Variants in ZNF236 observed in about 807,000 individuals in gnomAD.
ZNF236 encodes regulated by glucose.
A neutral mutation model predicts 191.2 loss-of-function variants in ZNF236; 50 were observed. That is an observed-to-expected ratio of 0.26 (90% confidence interval 0.21 to 0.33). The LOEUF is 0.33. Among genes scored for constraint, ZNF236 ranks in the 10% least tolerant of loss-of-function variants. The pLI, the probability that ZNF236 is intolerant of heterozygous loss-of-function variation, is 1.00. For synonymous variants in ZNF236, 907 were observed against 928.8 expected (o/e 0.98, Z 0.43); for missense variants, 1,754 against 2,374.5 (o/e 0.74, Z 5.43).
intron 30 of ZNF236, among the ~76,000 whole-genome samples, chr18:76,963,952 A>T (rs922174379): frequency 3.3e-5 from 5 of 151,618 alleles, no homozygotes; most frequent in Non-Finnish European, 1.5e-5. Flanking sequence ...GCTTATTTGG[A>T]TTTCCTCTCT....
rs750299361 is a variant in ZNF236, at chr18:76,927,785, T to C, written c.4415-142T>C. 14 of 828,348 alleles carry C rather than the reference T, an allele frequency of 1.7e-5. No homozygotes were observed. The highest frequency in any genetic ancestry group is 2.5e-5 in the Non-Finnish European group (14 of 552,806). 51.3% of individuals were successfully genotyped at this position (828,348 alleles called of 1,614,324 possible). A position where few individuals can be genotyped will look rare whatever the true frequency, so the allele number is the denominator to read the frequency against. ...AGGCTTTCTTCTTAGACGAAGGAAT[T>C]AGAGATGACTGATGCTTTGTTTTAA... On this transcript the variant is annotated intron_variant, in intron 24 of 30. Transcript: ENST00000320610. This position sits in a 1 kb window ranked among gnomAD's most constrained non-coding sequence, Gnocchi z 5.4.
At chr18:76,936,533 T>G (rs1213642907) in intron 25 of ZNF236, among the ~76,000 whole-genome samples, 1 of 152,180 alleles carries the variant, frequency 6.6e-6, no homozygotes, top group Non-Finnish European at 1.5e-5. Context: ...CTGAAGAAAA[T>G]TAAGATGTCA....
chr18:76,959,985 C>T (rs1238605506), intron 29 of ZNF236, among the ~76,000 whole-genome samples, 169 bp downstream of exon 29: 1 of 152,148 alleles, frequency 6.6e-6, no homozygotes, highest in African/African-American at 2.4e-5. Context: ...ATTGTCATAA[C>T]TAACTTTTCA....
intron 26 of ZNF236, among the ~76,000 whole-genome samples, chr18:76,943,268 A>G (rs539954342): frequency 1.6e-4 from 25 of 152,302 alleles, no homozygotes; most frequent in African/African-American, 5.8e-4. Context: ...GTAAGTGATA[A>G]TTTTAATTCA....
chr18:76,912,607 A>G (rs1340882455), intron 17 of ZNF236, among the ~76,000 whole-genome samples: 1 of 152,240 alleles, frequency 6.6e-6, no homozygotes. Context: ...ACTCTGCTGC[A>G]GCTTCCCGTC....
Position 76,927,343 on chromosome 18 carries a change from G to A in ZNF236, c.4240G>A (p.Glu1414Lys). 1.2e-6 allele frequency: 2 copies of A among 1,614,208 alleles called. No homozygotes were observed. The highest frequency in any genetic ancestry group is 1.7e-6 in the Non-Finnish European group (2 of 1,180,038). ...GNLLAQQLTG[E>K]PGLAPQNSSL... ...CCTATTGGCTCAGCAGCTCACGGGG[G>A]AGCCTGGCCTGGCCCCACAGAACAG... The change falls in exon 24 of 31, where the codon GAG (glutamate) becomes AAG (lysine). Residue 1414 changes from glutamate to lysine, a missense_variant. Around this residue, in one of 5 missense-constraint regions of ZNF236, gnomAD observed 606 missense variants for 761.5 expected, o/e 0.80. Transcript: ENST00000320610. This position sits in a 1 kb window ranked among gnomAD's most constrained non-coding sequence, Gnocchi z 5.4.
chr18:76,920,091 T>C, intron 20 of ZNF236, 33 bp downstream of exon 20: 2 of 1,588,730 alleles, frequency 1.3e-6, no homozygotes, highest in East Asian at 2.3e-5. Flanking sequence ...CGGGTTCCGC[T>C]CTGAAGACTG....
At chr18:76,913,646 T>G in intron 17 of ZNF236, 101 bp from the exon 18 acceptor site, 1 of 1,257,048 alleles carries the variant, frequency 8.0e-7, no homozygotes. Flanking sequence ...TGTTTCATGG[T>G]TGTTGGTGAA....
chr18:76,899,294 C>T (rs1233271293), intron 11 of ZNF236, 72 bp downstream of exon 11: 9 of 1,320,038 alleles, frequency 6.8e-6, no homozygotes, highest in Non-Finnish European at 9.6e-6. Context: ...GAATTGTGTA[C>T]ACACATTATG....
chr18:76,967,358 T>G (rs1246663), intron 30 of ZNF236, among the ~76,000 whole-genome samples: 13 of 126,702 alleles, frequency 1.0e-4, no homozygotes, highest in East Asian at 2.8e-4. Flanking sequence ...TTGTGATTTG[T>G]TGTTGGAGGT....
chr18:76,895,484 C>A, intron 10 of ZNF236, 199 bp downstream of exon 10: 1 of 731,736 alleles, frequency 1.4e-6, no homozygotes, highest in Non-Finnish European at 2.2e-6. Context: ...CACACCGGTA[C>A]TGCCCACAGG....
intron 30 of ZNF236, among the ~76,000 whole-genome samples, chr18:76,961,180 C>T (rs1968658440): frequency 6.6e-6 from 1 of 152,064 alleles, no homozygotes; most frequent in Admixed American, 6.6e-5. Flanking sequence ...CCCCGAGTCC[C>T]CAAAGTCCAT....
At chr18:76,877,881 T>G in intron 6 of ZNF236, 128 bp from the exon 7 acceptor site, 1 of 656,628 alleles carries the variant, frequency 1.5e-6, no homozygotes, top group South Asian at 3.8e-5. Flanking sequence ...AGAAAAAAGG[T>G]AATGTTGAAG....
intron 5 of ZNF236, among the ~76,000 whole-genome samples, chr18:76,873,659 A>G (rs1976637805): frequency 6.6e-6 from 1 of 152,120 alleles, no homozygotes; most frequent in Non-Finnish European, 1.5e-5. Flanking sequence ...CCATGCCTGG[A>G]TTGTGTATGC....
At chr18:76,835,361 A>G (rs150960986) in intron 1 of ZNF236, among the ~76,000 whole-genome samples, 2 of 152,334 alleles carry the variant, frequency 1.3e-5, no homozygotes, top group African/African-American at 4.8e-5. Context: ...GCACTTGAAA[A>G]GAACATATAT....
In ZNF236 at chr18:76,880,336, G is replaced by C. The variant is rs551387439; in HGVS notation, c.1188+20G>C. 1 of 1,594,348 alleles carries C rather than the reference G, an allele frequency of 6.3e-7. No individual in the cohort carries two copies. The highest frequency in any genetic ancestry group is 1.3e-5 in the African/African-American group (1 of 74,492). On this transcript the variant is annotated intron_variant, in intron 8 of 30. Transcript: ENST00000320610. This position sits in a 1 kb window ranked among gnomAD's most constrained non-coding sequence, Gnocchi z 5.0. ...TTACAGGTGAAGCACGCTTCCCTGC[G>C]GTGTGAGGCTTACGTGCTCGTGCTG...
At position 76,928,038 on chromosome 18, in the gene ZNF236, C is replaced by G; in HGVS notation, c.4526C>G (p.Ala1509Gly). 1 of 1,614,014 alleles carries G rather than the reference C, an allele frequency of 6.2e-7. No homozygotes were observed. Among genetic ancestry groups the G allele is most frequent in the East Asian group, 2.2e-5 (1 of 44,848 alleles). Reference protein sequence around the residue: ...INNSSLSQVLAQAAGPTATSS... With the variant: ...INNSSLSQVLGQAAGPTATSS... ...AACTCCAGCCTGAGCCAGGTCCTGG[C>G]ACAGGCCGCTGGGCCCACTGCCACG... Residue 1509 changes from alanine to glycine, a missense_variant, in exon 25 of 31, where the codon GCA becomes GGA. Ala to Gly is a moderately conservative substitution (Grantham distance 60, BLOSUM62 0). Around this residue, in one of 5 missense-constraint regions of ZNF236, gnomAD observed 606 missense variants for 761.5 expected, o/e 0.80. Transcript: ENST00000320610.
In ZNF236 at chr18:76,880,418, G is replaced by T; in HGVS notation, c.1188+102G>T. ...AATCTGCAGGGCTTGTCAAAGTCAG[G>T]GTATCCTCATGAAAAATGTGCCTGA... is the stretch of plus-strand genomic sequence containing the variant. On this transcript the variant is annotated intron_variant, in intron 8 of 30. Coordinates refer to ENST00000320610, the MANE Select transcript of ZNF236 (RefSeq NM_001306089.2). This position sits in a 1 kb window ranked among gnomAD's most constrained non-coding sequence, Gnocchi z 5.0. 3 of 1,248,578 alleles carry T rather than the reference G, an allele frequency of 2.4e-6. No individual in the cohort carries two copies. Among genetic ancestry groups the T allele is most frequent in the South Asian group, 1.7e-5 (1 of 57,908 alleles). The allele number at this position is 1,248,578 out of a possible 1,614,324, so 77.3% of individuals were successfully genotyped here.
chr18:76,925,685 T>C lies in ZNF236; in HGVS notation c.4027+131T>C. 1 of 1,289,744 alleles carries C rather than the reference T, an allele frequency of 7.8e-7. No individual in the cohort carries two copies. Among genetic ancestry groups the C allele is most frequent in the Non-Finnish European group, 1.0e-6 (1 of 968,108 alleles). 79.9% of individuals were successfully genotyped at this position (1,289,744 alleles called of 1,614,324 possible). ...GTTTCCCTTCTTTGAGCCTTTTCCT[T>C]ATAAGGCATTCGGAAAAATTGGAAT... On this transcript the variant is annotated intron_variant, in intron 22 of 30. Transcript: ENST00000320610. The surrounding 1 kb of genome is among the most constrained non-coding windows in gnomAD (Gnocchi z 5.7).
Sources: gnomAD v4.1 joint callset for allele counts (sites outside exome capture counted in the v4.1 genomes callset) on GRCh38, gnomAD v4.1.1 for gene constraint, gnomAD v4.1.1 regional missense constraint, Gnocchi (gnomAD v3.1) non-coding constraint, MANE v1.5 for transcripts, NCBI Gene and HGNC (gene_info 2026-07-23, HGNC 2026-07-21) for gene names.